Variants in RPAP2 observed in about 807,000 individuals in gnomAD.
RPAP2 encodes putative RNA polymerase II subunit B1 CTD phosphatase RPAP2.
RPAP2 carries 52 observed loss-of-function variants against 73.1 expected under a neutral mutation model. The observed-to-expected ratio is 0.71, with a 90% CI of 0.57 to 0.90. The LOEUF is 0.90. Among genes scored for constraint, RPAP2 ranks in the 40% least tolerant of loss-of-function variants. The probability of loss-of-function intolerance (pLI) is 0.00; values close to 1 mark genes in which losing one functional copy is unlikely to be tolerated. For missense variants in RPAP2, 598 were observed against 701.8 expected (o/e 0.85, Z 1.67); for synonymous variants, 225 against 242.1 (o/e 0.93, Z 0.65).
chr1:92,367,564 T>C (rs879939081), intron 11 of RPAP2, among the ~76,000 whole-genome samples: 20 of 152,244 alleles, frequency 1.3e-4, no homozygotes, highest in Admixed American at 2.6e-4. Flanking sequence ...CCCAATGTTA[T>C]CTTTTAGCAG....
chr1:92,331,858 A>C (rs1209411901), intron 8 of RPAP2, among the ~76,000 whole-genome samples: 1 of 152,146 alleles, frequency 6.6e-6, no homozygotes, highest in Non-Finnish European at 1.5e-5. Context: ...TCTTTGTCAG[A>C]AAATTATTTT....
At chr1:92,331,894 C>G (rs1261558076) in intron 8 of RPAP2, among the ~76,000 whole-genome samples, 2 of 152,040 alleles carry the variant, frequency 1.3e-5, no homozygotes, top group Non-Finnish European at 2.9e-5. Context: ...AGATATTTTT[C>G]TATATTGAAT....
intron 11 of RPAP2, among the ~76,000 whole-genome samples, chr1:92,373,751 A>AT (rs1655267055): frequency 7.2e-6 from 1 of 138,958 alleles, no homozygotes; most frequent in South Asian, 2.3e-4. Context: ...AAAAAAAAAA[A>AT]AAAAAAAAAA....
At chr1:92,370,005 C>T (rs1655084394) in intron 11 of RPAP2, among the ~76,000 whole-genome samples, 1 of 152,312 alleles carries the variant, frequency 6.6e-6, no homozygotes, top group South Asian at 2.1e-4. Flanking sequence ...GTGCCTCATC[C>T]TCCCAAGTAG....
intron 2 of RPAP2, among the ~76,000 whole-genome samples, chr1:92,300,749 ACTAAT>A (rs1650782830): frequency 6.6e-6 from 1 of 152,222 alleles, no homozygotes; most frequent in Admixed American, 6.5e-5. Flanking sequence ...GTGAAGACTC[ACTAAT>A]CTTATATTGG....
At chr1:92,309,300 G>T (rs761851921) in intron 6 of RPAP2, among the ~76,000 whole-genome samples, 2 of 151,942 alleles carry the variant, frequency 1.3e-5, no homozygotes, top group Non-Finnish European at 2.9e-5. Flanking sequence ...AAATTAGCTG[G>T]ACGTGGTGAC....
rs1314420506 is a variant in RPAP2 at position 92,322,506 on chromosome 1, T to G, written c.525-939T>G. ...TTGCAGTGAACCGAGATCTTGCCACTGCGCTCCAGCCTGGGTGACAGAGCA... is the reference window on the plus strand; with the variant it reads ...TTGCAGTGAACCGAGATCTTGCCACGGCGCTCCAGCCTGGGTGACAGAGCA... On this transcript the variant is annotated intron_variant, in intron 7 of 12. Transcript: ENST00000610020. Among the ~76,000 whole-genome samples the G allele has an allele frequency of 2.6e-5, 4 of 151,542 alleles. No individual in the cohort carries two copies. In the East Asian group the frequency reaches 7.9e-4, roughly 30 times the overall value.
intron 8 of RPAP2, 94 bp from the exon 9 acceptor site, chr1:92,333,297 C>G (rs983821162): frequency 2.0e-6 from 2 of 980,456 alleles, no homozygotes; most frequent in African/African-American, 1.6e-5. Flanking sequence ...GCCACAGATA[C>G]AAACTTTTGT....
Position 92,389,739 on chromosome 1 carries a change from G to A in RPAP2, c.*2728G>A, listed in dbSNP as rs764127937. ...CTGAAAACCACAGTACGGGAACTTC[G>A]TGAAGCATACACAAGCTTCAATAGC... On this transcript the variant is annotated 3_prime_UTR_variant, in exon 13 of 13. Transcript: ENST00000610020. The A allele has an allele frequency of 3.3e-5, 5 of 152,154 alleles. No homozygotes were observed. The highest frequency in any genetic ancestry group is 7.3e-5 in the Non-Finnish European group (5 of 68,036). The allele number at this position is 152,154 out of a possible 1,614,324, so 9.4% of individuals were successfully genotyped here.
intron 10 of RPAP2, among the ~76,000 whole-genome samples, chr1:92,339,919 T>G (rs540759056): frequency 6.6e-6 from 1 of 152,318 alleles, no homozygotes; most frequent in South Asian, 2.1e-4. Context: ...GAGATTTGCT[T>G]CAAAATTATC....
intron 11 of RPAP2, among the ~76,000 whole-genome samples, chr1:92,348,029 C>T (rs897825782): frequency 1.3e-5 from 2 of 152,090 alleles, no homozygotes; most frequent in South Asian, 4.1e-4. Context: ...GCTGCCTTAG[C>T]CTCCTGAGTA....
Position 92,301,488 on chromosome 1 carries a change from A to G in RPAP2, c.132A>G (p.Leu44=). ...TTTCAAATTTTAGGAAAGCTGAACTAGAAGCAGCTGTGAGAAAGAAGATTG... is the reference window on the plus strand; with the variant it reads ...TTTCAAATTTTAGGAAAGCTGAACTGGAAGCAGCTGTGAGAAAGAAGATTG... ...QEDASKRKAE[L]EAAVRKKIEF... The change falls in exon 3 of 13, where the codon CTA becomes CTG. Residue 44 remains leucine, a synonymous_variant. Coordinates refer to ENST00000610020, the MANE Select transcript of RPAP2 (RefSeq NM_024813.3). 2 of 1,578,136 alleles carry G rather than the reference A, an allele frequency of 1.3e-6. No individual in the cohort carries two copies. The highest frequency in any genetic ancestry group is 1.7e-6 in the Non-Finnish European group (2 of 1,161,422).
rs1468278386 is a variant in RPAP2, at chr1:92,401,538, C to A, written c.*14527C>A. ...CCAACCCATATGTCTTGCCTTACTG[C>A]CCTGGTTAGGACCTTCAGAACAATA... On this transcript the variant is annotated 3_prime_UTR_variant, in exon 13 of 13. Coordinates refer to ENST00000610020, the MANE Select transcript of RPAP2 (RefSeq NM_024813.3). 2 of 152,150 alleles carry A rather than the reference C, an allele frequency of 1.3e-5. No homozygotes were observed. The highest frequency in any genetic ancestry group is 6.5e-5 in the Admixed American group (1 of 15,276). 9.4% of individuals were successfully genotyped at this position (152,150 alleles called of 1,614,324 possible).
chr1:92,371,905 A>AAC (rs1204883707), intron 11 of RPAP2, among the ~76,000 whole-genome samples: 1 of 151,290 alleles, frequency 6.6e-6, no homozygotes, highest in African/African-American at 2.4e-5. Flanking sequence ...AAAAAAAAAA[A>AAC]AAACCAGAAA....
rs765010388 is a variant in RPAP2, at chr1:92,336,369, C to T, written c.1561C>T (p.Leu521Phe). 1.2e-6 allele frequency: 2 copies of T among 1,610,390 alleles called. No homozygotes were observed. The highest frequency in any genetic ancestry group is 1.7e-6 in the Non-Finnish European group (2 of 1,178,162). The part of the protein sequence containing the change: ...SKVLPGLLVP[L>F]QITLGDIYTQ... ...CAGGTTGCCTGGGCTTCTGGTTCCT[C>T]TTCAGATTACATTGGGAGATATTTA... Residue 521 changes from leucine (L) to phenylalanine (F), a missense_variant, in exon 10 of 13, where the codon CTT (leucine) becomes TTT (phenylalanine). Around this residue, in one of 3 missense-constraint regions of RPAP2, gnomAD observed 506 missense variants for 612.8 expected, o/e 0.83. Transcript: ENST00000610020.
Position 92,324,204 on chromosome 1 carries a change from C to T in RPAP2, c.1284C>T (p.Asn428=). The T allele has an allele frequency of 6.2e-7, 1 of 1,614,122 alleles. No homozygotes were observed. Among genetic ancestry groups the T allele is most frequent in the African/African-American group, 1.3e-5 (1 of 75,044 alleles). The change falls in exon 8 of 13, where the codon AAC becomes AAT. Residue 428 remains asparagine, a synonymous_variant. Transcript: ENST00000610020. ...SHFPAWRESQ[N]SLDESLPFRG... is the part of the protein sequence containing the mutation. ...TCCCTGCCTGGAGGGAATCTCAGAA[C>T]AGCTTGGATGAGTCTTTACCTTTTA...
At chr1:92,338,530 T>C (rs191951539) in intron 10 of RPAP2, among the ~76,000 whole-genome samples, 51 of 152,222 alleles carry the variant, frequency 3.4e-4, no homozygotes, top group African/African-American at 1.2e-3. Context: ...ATATACATAG[T>C]ATGGAAACAC....
At chr1:92,316,974 TC>T (rs1293734873) in intron 6 of RPAP2, among the ~76,000 whole-genome samples, 1 of 152,180 alleles carries the variant, frequency 6.6e-6, no homozygotes, top group Non-Finnish European at 1.5e-5. Context: ...TGAGTTTAGT[TC>T]TTAGAAAAAT....
At chr1:92,330,802 A>T (rs1010681952) in intron 8 of RPAP2, among the ~76,000 whole-genome samples, 2 of 152,184 alleles carry the variant, frequency 1.3e-5, no homozygotes, top group Non-Finnish European at 2.9e-5. Context: ...TTTCAGAAAC[A>T]CACAAAGATA....
Sources: allele counts gnomAD v4.1 joint callset (sites outside exome capture counted in the v4.1 genomes callset), GRCh38; gene constraint gnomAD v4.1.1; regional missense constraint gnomAD v4.1.1; transcripts MANE v1.5; gene names NCBI Gene and HGNC (gene_info 2026-07-23, HGNC 2026-07-21).